Variants in COMMD10 observed in about 807,000 individuals in gnomAD.
The protein encoded by COMMD10 is COMM domain containing 10.
A neutral mutation model predicts 28.9 loss-of-function variants in COMMD10; 33 were observed. The ratio of observed to expected loss-of-function variants is 1.14; its 90% CI spans 0.87 to 1.53. The LOEUF (loss-of-function observed/expected upper bound fraction) is 1.53, where lower values mean the gene tolerates loss of function less well. Among genes scored for constraint, COMMD10 ranks in the 40% most tolerant of loss-of-function variants. The probability of loss-of-function intolerance (pLI) is 0.00; values close to 1 mark genes in which losing one functional copy is unlikely to be tolerated. For missense variants in COMMD10, 310 were observed against 233.4 expected (o/e 1.33, Z -2.14); for synonymous variants, 110 against 81.7 (o/e 1.35, Z -1.87).
At chr5:116,110,607 G>T (rs77827974) in intron 4 of COMMD10, among the ~76,000 whole-genome samples, 1 of 152,106 alleles carries the variant, frequency 6.6e-6, no homozygotes, top group Non-Finnish European at 1.5e-5. Flanking sequence ...GTATTAGTCT[G>T]TTCTTACATT....
chr5:116,172,197 T>C (rs1459247097), intron 5 of COMMD10, among the ~76,000 whole-genome samples: 1 of 152,062 alleles, frequency 6.6e-6, no homozygotes, highest in Non-Finnish European at 1.5e-5. Context: ...CCAGCTGCTA[T>C]TTTTATGGCA....
At chr5:116,185,169 T>C (rs1033192330) in intron 5 of COMMD10, among the ~76,000 whole-genome samples, 1 of 152,138 alleles carries the variant, frequency 6.6e-6, no homozygotes, top group African/African-American at 2.4e-5. Flanking sequence ...TATATTGTCT[T>C]AACCTATGTG....
chr5:116,093,713 G>A (rs537051856), intron 4 of COMMD10, among the ~76,000 whole-genome samples: 35 of 152,258 alleles, frequency 2.3e-4, no homozygotes, highest in African/African-American at 8.4e-4. Context: ...AACCCAAATA[G>A]CCAAAGCAAT....
At chr5:116,184,720 T>A (rs114808684) in intron 5 of COMMD10, among the ~76,000 whole-genome samples, 2,695 of 152,242 alleles carry the variant, frequency 0.018, 33 homozygotes, top group Middle Eastern at 0.051. Flanking sequence ...AGTTCCATGA[T>A]AATTCTCTAG....
rs554246375 is a variant in COMMD10, at chr5:116,281,687, T to C, written c.511-9830T>C. 1.6e-3 allele frequency among the ~76,000 whole-genome samples: 248 copies of C among 151,920 alleles called. 8 individuals carry two copies. Among genetic ancestry groups the C allele is most frequent in the African/African-American group, 5.7e-3 (237 of 41,290 alleles). Reference sequence around the variant, plus strand: ...GACTTCAATGTGTTTTACAGGAAAATGGAAAATTTAAAAATAAGCCATCCA... The same window carrying C: ...GACTTCAATGTGTTTTACAGGAAAACGGAAAATTTAAAAATAAGCCATCCA... On this transcript the variant is annotated intron_variant, in intron 5 of 6. Coordinates refer to ENST00000274458, the MANE Select transcript of COMMD10 (RefSeq NM_016144.4).
intron 4 of COMMD10, among the ~76,000 whole-genome samples, chr5:116,123,339 G>A (rs1229355169): frequency 2.0e-5 from 3 of 152,120 alleles, no homozygotes; most frequent in Non-Finnish European, 4.4e-5. Flanking sequence ...TGTGGTTTTT[G>A]TTGTTGTTTC....
At chr5:116,256,814 C>G (rs769125035) in intron 5 of COMMD10, among the ~76,000 whole-genome samples, 4 of 151,648 alleles carry the variant, frequency 2.6e-5, no homozygotes, top group Non-Finnish European at 5.9e-5. Context: ...ATTGAATCAT[C>G]AGAAAGCAAA....
intron 5 of COMMD10, among the ~76,000 whole-genome samples, chr5:116,229,366 A>G (rs976647377): frequency 6.6e-6 from 1 of 152,048 alleles, no homozygotes; most frequent in Non-Finnish European, 1.5e-5. Flanking sequence ...TAGCAGGATC[A>G]ACATTGATTG....
intron 4 of COMMD10, among the ~76,000 whole-genome samples, chr5:116,102,601 T>C (rs1297586312): frequency 6.6e-6 from 1 of 152,168 alleles, no homozygotes; most frequent in East Asian, 1.9e-4. Flanking sequence ...AAAATGACAA[T>C]GGTATTTTGA....
chr5:116,216,018 T>C (rs1277830746), intron 5 of COMMD10, among the ~76,000 whole-genome samples: 1 of 152,094 alleles, frequency 6.6e-6, no homozygotes, highest in African/African-American at 2.4e-5. Context: ...AAAGGCCTTA[T>C]CATTTATAGA....
At chr5:116,247,265 A>G (rs1163798658) in intron 5 of COMMD10, among the ~76,000 whole-genome samples, 1 of 152,132 alleles carries the variant, frequency 6.6e-6, no homozygotes, top group Non-Finnish European at 1.5e-5. Flanking sequence ...TCAGAACCAC[A>G]ATGAGATACC....
intron 5 of COMMD10, among the ~76,000 whole-genome samples, chr5:116,286,595 C>T (rs1215875367): frequency 6.6e-6 from 1 of 151,552 alleles, no homozygotes; most frequent in Non-Finnish European, 1.5e-5. Flanking sequence ...TTCCCAGTTC[C>T]AGTTCCCCTT....
intron 5 of COMMD10, among the ~76,000 whole-genome samples, chr5:116,258,060 C>T (rs1384088871): frequency 6.6e-6 from 1 of 151,564 alleles, no homozygotes; most frequent in Admixed American, 6.6e-5. Flanking sequence ...CATATCAATA[C>T]AGATCTACAA....
rs1222228930 is a variant in COMMD10 at position 116,091,066 on chromosome 5, A to G, written c.133-13A>G. 5 of 1,521,322 alleles carry G rather than the reference A, an allele frequency of 3.3e-6. No homozygotes were observed. The highest frequency in any genetic ancestry group is 2.3e-5 in the East Asian group (1 of 43,898). The allele number at this position is 1,521,322 out of a possible 1,614,324, so 94.2% of individuals were successfully genotyped here. ...ATATGTGCTAATATAATAGATTGCTATTTGTATTATAGGCTGAGAGCAGTT... is the reference window on the plus strand; with the variant it reads ...ATATGTGCTAATATAATAGATTGCTGTTTGTATTATAGGCTGAGAGCAGTT... On this transcript the variant is annotated splice_polypyrimidine_tract_variant and intron_variant, in intron 2 of 6. Transcript: ENST00000274458.
At chr5:116,230,067 T>A (rs1284824013) in intron 5 of COMMD10, among the ~76,000 whole-genome samples, 1 of 151,956 alleles carries the variant, frequency 6.6e-6, no homozygotes, top group Admixed American at 6.6e-5. Flanking sequence ...GCCTCATATA[T>A]CATAAAGGTT....
chr5:116,157,530 A>G (rs1334044902), intron 5 of COMMD10, among the ~76,000 whole-genome samples: 7 of 152,192 alleles, frequency 4.6e-5, no homozygotes, highest in Non-Finnish European at 1.0e-4. Context: ...AGACAGCAGA[A>G]AAGATGTAGG....
At chr5:116,140,721 C>T (rs988637513) in intron 5 of COMMD10, among the ~76,000 whole-genome samples, 3 of 151,712 alleles carry the variant, frequency 2.0e-5, no homozygotes, top group South Asian at 2.1e-4. Flanking sequence ...TTTATGTCTT[C>T]TTTGGAGAAA....
At chr5:116,210,476 A>G (rs1410725767) in intron 5 of COMMD10, among the ~76,000 whole-genome samples, 3 of 152,150 alleles carry the variant, frequency 2.0e-5, no homozygotes, top group East Asian at 3.9e-4. Context: ...GTGAAATACA[A>G]TCTAAGTAAT....
At chr5:116,168,532 C>A (rs115778024) in intron 5 of COMMD10, among the ~76,000 whole-genome samples, 2,242 of 150,946 alleles carry the variant, frequency 0.015, 56 homozygotes, top group African/African-American at 0.048. Context: ...AGTATATATT[C>A]TTCTCAGCAC....
Sources: gnomAD v4.1 joint callset for allele counts (sites outside exome capture counted in the v4.1 genomes callset) on GRCh38, gnomAD v4.1.1 for gene constraint, MANE v1.5 for transcripts, NCBI Gene and HGNC (gene_info 2026-07-23, HGNC 2026-07-21) for gene names.